The following SLC24A2 variants were observed in gnomAD, a reference collection of about 807,000 sequenced individuals.
The protein encoded by SLC24A2 is solute carrier family 24 member 2.
Under a neutral mutation model 62.0 loss-of-function variants are expected in SLC24A2, and 36 were observed. The ratio of observed to expected loss-of-function variants is 0.58; its 90% CI spans 0.44 to 0.77. The LOEUF is 0.77. Among genes scored for constraint, SLC24A2 ranks in the 30% least tolerant of loss-of-function variants. The pLI, the probability that SLC24A2 is intolerant of heterozygous loss-of-function variation, is 0.00. For synonymous variants in SLC24A2, 358 were observed against 294.0 expected, an observed-to-expected ratio of 1.22 and a Z score of -2.23; for missense variants, 846 against 817.9, an observed-to-expected ratio of 1.03 and a Z score of -0.42.
the SLC24A2 span, among the ~76,000 whole-genome samples, chr9:20,269,156 G>C: frequency 6.6e-6 from 1 of 152,142 alleles, no homozygotes; most frequent in Non-Finnish European, 1.5e-5. Flanking sequence ...ACCTAAGTTG[G>C]TGTGCAGGAG....
chr9:19,542,474 A>G (rs1834321923), intron 8 of SLC24A2, among the ~76,000 whole-genome samples: 1 of 152,136 alleles, frequency 6.6e-6, no homozygotes, highest in Non-Finnish European at 1.5e-5. Flanking sequence ...TTCCAATACT[A>G]TATTGAATAG....
At chr9:20,118,527 G>A in the SLC24A2 span, among the ~76,000 whole-genome samples, 1 of 151,882 alleles carries the variant, frequency 6.6e-6, no homozygotes, top group Non-Finnish European at 1.5e-5. Context: ...AAAAACTATT[G>A]ATGCTGTTCT....
the SLC24A2 span, among the ~76,000 whole-genome samples, chr9:19,815,959 C>CTTTTTTTTT: frequency 8.7e-5 from 9 of 103,412 alleles, no homozygotes; most frequent in East Asian, 2.9e-4. Flanking sequence ...TTTTTTGCCC[C>CTTTTTTTTT]TTTTTTTTTT....
At chr9:19,776,221 T>G (rs1564094618) in intron 2 of SLC24A2, among the ~76,000 whole-genome samples, 2 of 152,232 alleles carry the variant, frequency 1.3e-5, no homozygotes, top group Non-Finnish European at 2.9e-5. Context: ...CTGCTTCATC[T>G]GTATTTTTAA....
At chr9:19,532,966 G>C (rs1050105585) in intron 8 of SLC24A2, among the ~76,000 whole-genome samples, 2 of 152,094 alleles carry the variant, frequency 1.3e-5, no homozygotes, top group African/African-American at 4.8e-5. Context: ...TCAAAGACTT[G>C]GTCCTCATTG....
At chr9:20,249,308 G>C in the SLC24A2 span, among the ~76,000 whole-genome samples, 2 of 152,152 alleles carry the variant, frequency 1.3e-5, no homozygotes, top group Non-Finnish European at 2.9e-5. Flanking sequence ...TTGTATAACT[G>C]TGAACCATGG....
chr9:20,195,848 A>T, the SLC24A2 span, among the ~76,000 whole-genome samples: 3 of 152,118 alleles, frequency 2.0e-5, no homozygotes, highest in Admixed American at 1.3e-4. Context: ...AAAGAAAAAA[A>T]AATTTTTTAA....
chr9:20,103,748 A>T, the SLC24A2 span, among the ~76,000 whole-genome samples: 2 of 151,936 alleles, frequency 1.3e-5, no homozygotes, highest in African/African-American at 4.8e-5. Context: ...AAACATGGGG[A>T]AAAAACAGAA....
chr9:19,543,357 G>T (rs527615554), intron 8 of SLC24A2, among the ~76,000 whole-genome samples: 2 of 148,288 alleles, frequency 1.3e-5, no homozygotes, highest in East Asian at 3.9e-4. Flanking sequence ...TCCATTTTTT[G>T]ATCTTTTCAA....
At chr9:19,809,694 A>G in the SLC24A2 span, among the ~76,000 whole-genome samples, 1 of 151,998 alleles carries the variant, frequency 6.6e-6, no homozygotes, top group African/African-American at 2.4e-5. Flanking sequence ...TCATAATAAG[A>G]TTAGGGTGGG....
chr9:19,820,286 G>A, the SLC24A2 span, among the ~76,000 whole-genome samples: 1 of 149,386 alleles, frequency 6.7e-6, no homozygotes, highest in Admixed American at 6.7e-5. Flanking sequence ...GGTTTGGGGG[G>A]AAGAGTGGGA....
At chr9:19,755,729 C>T (rs1822120213) in intron 2 of SLC24A2, among the ~76,000 whole-genome samples, 1 of 152,172 alleles carries the variant, frequency 6.6e-6, no homozygotes, top group African/African-American at 2.4e-5. Context: ...CATAATCTGG[C>T]TCCTTAGTTT....
the SLC24A2 span, among the ~76,000 whole-genome samples, chr9:20,079,636 A>G: frequency 4.6e-5 from 7 of 152,214 alleles, no homozygotes; most frequent in African/African-American, 1.4e-4. Context: ...ATCTTCATGT[A>G]CTTGGCAAGC....
At chr9:19,925,809 G>A in the SLC24A2 span, among the ~76,000 whole-genome samples, 1 of 152,170 alleles carries the variant, frequency 6.6e-6, no homozygotes, top group Non-Finnish European at 1.5e-5. Flanking sequence ...GAAAATAGAA[G>A]TAACAAATAG....
the SLC24A2 span, among the ~76,000 whole-genome samples, chr9:19,986,348 T>C: frequency 3.9e-5 from 6 of 152,228 alleles, no homozygotes; most frequent in Admixed American, 2.6e-4. Context: ...CAATAATATA[T>C]TGTTTGGTTG....
chr9:20,303,615 A>T, the SLC24A2 span, among the ~76,000 whole-genome samples: 1 of 152,136 alleles, frequency 6.6e-6, no homozygotes, highest in Non-Finnish European at 1.5e-5. Flanking sequence ...CAAGCAAGAG[A>T]CATTTGCACC....
chr9:19,722,528 A>C (rs570685296), intron 2 of SLC24A2, among the ~76,000 whole-genome samples: 1 of 152,102 alleles, frequency 6.6e-6, no homozygotes, highest in Non-Finnish European at 1.5e-5. Flanking sequence ...AAAGTGCAGG[A>C]TAAGTCAAGA....
At chr9:20,181,877 A>G in the SLC24A2 span, among the ~76,000 whole-genome samples, 3 of 152,234 alleles carry the variant, frequency 2.0e-5, no homozygotes, top group Non-Finnish European at 2.9e-5. Context: ...AAATTTTGCA[A>G]TCTATCCATC....
intron 5 of SLC24A2, among the ~76,000 whole-genome samples, chr9:19,581,196 A>G (rs1836199004): frequency 6.6e-6 from 1 of 152,148 alleles, no homozygotes; most frequent in African/African-American, 2.4e-5. Context: ...CTGGTGTTCA[A>G]GTTTCAGTGA....
Sources: gnomAD v4.1 joint callset for allele counts (sites outside exome capture counted in the v4.1 genomes callset) on GRCh38, gnomAD v4.1.1 for gene constraint, MANE v1.5 for transcripts, NCBI Gene and HGNC (gene_info 2026-07-23, HGNC 2026-07-21) for gene names.